Variants in MAPKBP1 observed in about 807,000 individuals in gnomAD.
The protein encoded by MAPKBP1 is mitogen-activated protein kinase-binding protein 1.
A neutral mutation model predicts 170.5 loss-of-function variants in MAPKBP1; 71 were observed. The ratio of observed to expected loss-of-function variants is 0.42; its 90% CI spans 0.34 to 0.51. MAPKBP1 has a LOEUF of 0.51. Ranked by LOEUF, MAPKBP1 falls within the 20% of genes least tolerant of loss-of-function variation. The pLI is 0.06. For synonymous variants in MAPKBP1, 719 were observed against 757.9 expected (o/e 0.95, Z 0.84); for missense variants, 1,598 against 1,933.0 (o/e 0.83, Z 3.25).
intron 3 of MAPKBP1, among the ~76,000 whole-genome samples, chr15:41,804,613 C>T (rs1193290730): frequency 6.6e-6 from 1 of 152,198 alleles, no homozygotes; most frequent in African/African-American, 2.4e-5. Context: ...CCTCACACAC[C>T]CCTGGACTCC....
At chr15:41,822,758 C>G (rs1204368322) in intron 27 of MAPKBP1, 81 bp downstream of exon 27, 1 of 1,545,314 alleles carries the variant, frequency 6.5e-7, no homozygotes, top group Admixed American at 1.7e-5. Context: ...CTCCAGTGTT[C>G]TGTCTCTCCA....
intron 21 of MAPKBP1, 48 bp from the exon 22 acceptor site, chr15:41,819,547 C>CGGG (rs3034893): frequency 0.038 from 45,027 of 1,194,224 alleles, 529 homozygotes; most frequent in South Asian, 0.042. Flanking sequence ...GGTTGGGTGG[C>CGGG]GGGGGGGGGG....
Position 41,824,470 on chromosome 15 carries a change from T to G in MAPKBP1, c.4214-14T>G. ...ACATGCTGGGCCTCACTGAGCTGTATCCGTCTCTTTCAGAGCCAGCGGTGA... is the reference window on the plus strand; with the variant it reads ...ACATGCTGGGCCTCACTGAGCTGTAGCCGTCTCTTTCAGAGCCAGCGGTGA... On this transcript the variant is annotated splice_polypyrimidine_tract_variant and intron_variant, in intron 29 of 30. Coordinates refer to ENST00000457542, the MANE Select transcript of MAPKBP1 (RefSeq NM_014994.3). The G allele has an allele frequency of 6.3e-7, 1 of 1,579,432 alleles. No homozygotes were observed. Among genetic ancestry groups the G allele is most frequent in the Non-Finnish European group, 8.6e-7 (1 of 1,162,258 alleles).
chr15:41,789,292 G>GA (rs34518668), intron 2 of MAPKBP1, among the ~76,000 whole-genome samples: 12 of 149,692 alleles, frequency 8.0e-5, no homozygotes, highest in Admixed American at 3.3e-4. Context: ...GACTTTAGAG[G>GA]AAAAAAAAAA....
At position 41,816,931 on chromosome 15, in the gene MAPKBP1, C is replaced by T. The variant is rs2064902197; in HGVS notation, c.1607C>T (p.Ala536Val). ...PDTGLKLLAS[A>V]SRDRLIHVLD... The stretch of plus-strand genomic sequence containing the variant: ...CCAGGTCTGAAACTGCTAGCATCGG[C>T]GAGCCGGGACCGGCTGATCCATGTG... The change falls in exon 14 of 31, where the codon GCG becomes GTG. Residue 536 changes from alanine (A) to valine (V), a missense_variant. Transcript: ENST00000457542. The T allele has an allele frequency of 1.9e-6, 3 of 1,610,476 alleles. No individual in the cohort carries two copies. Among genetic ancestry groups the T allele is most frequent in the Admixed American group, 1.7e-5 (1 of 59,724 alleles).
rs2065135955 is a variant in MAPKBP1 at position 41,827,586 on chromosome 15, T to A, written c.*2150T>A. On this transcript the variant is annotated 3_prime_UTR_variant, in exon 31 of 31. Coordinates refer to ENST00000457542, the MANE Select transcript of MAPKBP1 (RefSeq NM_014994.3). ...AGTTTGTGAGAATGTGGCCGCCCTT[T>A]TCCTGCCCTCTGCCCCATGTGGGTG... 6.6e-6 allele frequency: 1 copy of A among 152,534 alleles called. No individual in the cohort carries two copies. The highest frequency in any genetic ancestry group is 2.4e-5 in the African/African-American group (1 of 41,476). The allele number at this position is 152,534 out of a possible 1,614,324, so 9.4% of individuals were successfully genotyped here. A position where few individuals can be genotyped will look rare whatever the true frequency, so the allele number is the denominator to read the frequency against.
intron 2 of MAPKBP1, among the ~76,000 whole-genome samples, chr15:41,788,240 G>A (rs1252893869): frequency 6.6e-6 from 1 of 152,166 alleles, no homozygotes; most frequent in Non-Finnish European, 1.5e-5. Flanking sequence ...ACAGGGGTCA[G>A]CCACCGCACC....
chr15:41,787,398 C>G (rs545910578), intron 2 of MAPKBP1, among the ~76,000 whole-genome samples: 1 of 147,834 alleles, frequency 6.8e-6, no homozygotes, highest in South Asian at 2.2e-4. Flanking sequence ...GACAGAGTCT[C>G]GCTCTGTCGC....
At chr15:41,791,195 T>C (rs1007537064) in intron 2 of MAPKBP1, among the ~76,000 whole-genome samples, 6 of 151,186 alleles carry the variant, frequency 4.0e-5, no homozygotes, top group Non-Finnish European at 7.4e-5. Context: ...GATTGAGAAG[T>C]GGGGGAAGGG....
intron 2 of MAPKBP1, among the ~76,000 whole-genome samples, chr15:41,778,354 A>C (rs1302968623): frequency 6.6e-6 from 1 of 152,242 alleles, no homozygotes; most frequent in Non-Finnish European, 1.5e-5. Context: ...AGAACATAAG[A>C]GAGAAGAAGT....
rs199902889 is a variant in MAPKBP1, at chr15:41,823,867, G to T, written c.4019G>T (p.Cys1340Phe). The T allele has an allele frequency of 2.5e-5, 40 of 1,614,114 alleles. No homozygotes were observed. Among genetic ancestry groups the T allele is most frequent in the Non-Finnish European group, 3.3e-5 (39 of 1,180,046 alleles). Reference protein sequence around the residue: ...KAHSTTERWACLGEGTTPKPR... With the variant: ...KAHSTTERWAFLGEGTTPKPR... ...CACAGTACAACTGAGAGATGGGCCT[G>T]TTTGGGGGAGGGCACCACTCCCAAG... The change falls in exon 29 of 31, where the codon TGT becomes TTT. Residue 1340 changes from cysteine (C) to phenylalanine (F), a missense_variant. Around this residue, in one of 6 missense-constraint regions of MAPKBP1, gnomAD observed 942 missense variants for 953.2 expected, o/e 0.99. Transcript: ENST00000457542.
intron 12 of MAPKBP1, 130 bp downstream of exon 12, chr15:41,815,929 C>T: frequency 2.2e-6 from 2 of 893,452 alleles, no homozygotes; most frequent in Non-Finnish European, 3.4e-6. Flanking sequence ...AAGATAATAA[C>T]TTCACAATGA....
At chr15:41,787,691 T>G (rs1379515732) in intron 2 of MAPKBP1, among the ~76,000 whole-genome samples, 1 of 151,874 alleles carries the variant, frequency 6.6e-6, no homozygotes, top group African/African-American at 2.4e-5. Flanking sequence ...AATTATAACT[T>G]AGGTCAGATT....
rs184413261 is a variant in MAPKBP1, at chr15:41,781,034, T to C, written c.114+5645T>C. On this transcript the variant is annotated intron_variant, in intron 2 of 30. Transcript: ENST00000457542. ...AAGGGAGTAAATTCCCCCCTCTCAT[T>C]TTGTCACAATGTTTGCAATGCTTTT... Among the ~76,000 whole-genome samples, 5 of 151,990 alleles carry C rather than the reference T, an allele frequency of 3.3e-5. No homozygotes were observed. In the East Asian group the frequency reaches 7.7e-4, roughly 24 times the overall value.
intron 2 of MAPKBP1, among the ~76,000 whole-genome samples, chr15:41,792,880 G>T (rs1449751181): frequency 6.6e-6 from 1 of 152,148 alleles, no homozygotes; most frequent in African/African-American, 2.4e-5. Flanking sequence ...GCTTCCTCAT[G>T]TGGAAAGATG....
rs1158167266 is a variant in MAPKBP1 at position 41,821,581 on chromosome 15, C to T, written c.2719-3C>T. On this transcript the variant is annotated splice_region_variant and splice_polypyrimidine_tract_variant and intron_variant, in intron 23 of 30. Transcript: ENST00000457542. ...CTGTTAACATCCCTTTGTGTGTTCC[C>T]AGAATGAAAAGCCCCCTCGGCCTCA... 6.2e-7 allele frequency: 1 copy of T among 1,613,090 alleles called. No homozygotes were observed. Among genetic ancestry groups the T allele is most frequent in the Non-Finnish European group, 8.5e-7 (1 of 1,179,726 alleles).
intron 5 of MAPKBP1, chr15:41,811,611 G>A (rs765048607): frequency 4.9e-6 from 3 of 613,866 alleles, no homozygotes; most frequent in South Asian, 3.0e-5. Context: ...CAGGAGGAAC[G>A]CTTCTGTCCT....
In MAPKBP1 at chr15:41,817,712, C is replaced by T. The variant is rs146209688; in HGVS notation, c.1881C>T (p.Ile627=). 1.3e-4 allele frequency: 209 copies of T among 1,613,982 alleles called. No individual in the cohort carries two copies. The highest frequency in any genetic ancestry group is 1.7e-4 in the Non-Finnish European group (197 of 1,179,922). ...AGCCCAGCTGGAAGTACACGGCTAT[C>T]GGCTGCCAGGACCGAAATATTCGGT... The part of the protein sequence containing the change: ...DVEPSWKYTA[I]GCQDRNIRIF... The change falls in exon 16 of 31, where the codon ATC becomes ATT. Residue 627 remains isoleucine (I), a synonymous_variant. Coordinates refer to ENST00000457542, the MANE Select transcript of MAPKBP1 (RefSeq NM_014994.3). The surrounding 1 kb of genome is among the most constrained non-coding windows in gnomAD (Gnocchi z 4.2).
At chr15:41,775,108 A>G in intron 1 of MAPKBP1, 59 bp from the exon 2 acceptor site, 1 of 610,672 alleles carries the variant, frequency 1.6e-6, no homozygotes, top group Non-Finnish European at 2.9e-6. Flanking sequence ...TAAAAGCTGC[A>G]GACTTCGCTA....
Sources: allele counts gnomAD v4.1 joint callset (sites outside exome capture counted in the v4.1 genomes callset), GRCh38; gene constraint gnomAD v4.1.1; regional missense constraint gnomAD v4.1.1; non-coding constraint Gnocchi (gnomAD v3.1); transcripts MANE v1.5; gene names NCBI Gene and HGNC (gene_info 2026-07-23, HGNC 2026-07-21).